WSCD1: variants seen among roughly 807,000 people sequenced by gnomAD.
WSCD1 encodes WSC domain sialate O sulfotransferase 1, also known as sialate:O-sulfotransferase 1.
A neutral mutation model predicts 60.4 loss-of-function variants in WSCD1; 41 were observed. That is an observed-to-expected ratio of 0.68 (90% CI 0.53 to 0.88). The LOEUF is 0.88. WSCD1 is among the 40% of genes least tolerant of loss of function. The pLI, the probability that WSCD1 is intolerant of heterozygous loss-of-function variation, is 0.00. For synonymous variants in WSCD1, 361 were observed against 332.5 expected (o/e 1.09, Z -0.93); for missense variants, 784 against 796.2 (o/e 0.98, Z 0.18).
At chr17:6,098,377 T>C (rs534595890) in intron 5 of WSCD1, among the ~76,000 whole-genome samples, 9 of 152,340 alleles carry the variant, frequency 5.9e-5, no homozygotes, top group African/African-American at 2.2e-4. Flanking sequence ...TAAATCCAGA[T>C]TGCTGCAGTT....
intron 2 of WSCD1, chr17:6,081,969 A>G (rs1463464636): frequency 6.6e-6 from 1 of 152,224 alleles, no homozygotes; most frequent in Admixed American, 6.5e-5. Flanking sequence ...CGCTGTCTCC[A>G]GGTGAGTCTG....
At position 6,120,912 on chromosome 17, in the gene WSCD1, T is replaced by G; in HGVS notation, c.*251T>G. 1 of 524,560 alleles carries G rather than the reference T, an allele frequency of 1.9e-6. No individual in the cohort carries two copies. Among genetic ancestry groups the G allele is most frequent in the Non-Finnish European group, 3.4e-6 (1 of 294,480 alleles). 32.5% of individuals were successfully genotyped at this position (524,560 alleles called of 1,614,324 possible). On this transcript the variant is annotated 3_prime_UTR_variant, in exon 9 of 9. Coordinates refer to ENST00000317744, the MANE Select transcript of WSCD1 (RefSeq NM_015253.2). ...ACACTCAGACACCACTCCAGGCTCA[T>G]AGCCCCGTCTTGATGCAGAGAAGCC...
rs972692549 is a variant in WSCD1 at position 6,120,774 on chromosome 17, G to A, written c.*113G>A. On this transcript the variant is annotated 3_prime_UTR_variant, in exon 9 of 9. Transcript: ENST00000317744. Reference sequence around the variant, plus strand: ...CTCACTGGGACGAACGGTGGGTGGGGGGCTCACCCTGGTGCTGCCTCCCGC... The same window carrying A: ...CTCACTGGGACGAACGGTGGGTGGGAGGCTCACCCTGGTGCTGCCTCCCGC... 1.6e-5 allele frequency: 18 copies of A among 1,136,222 alleles called. No individual in the cohort carries two copies. The South Asian group carries it at 2.5e-4, about 16-fold the overall frequency. The allele number at this position is 1,136,222 out of a possible 1,614,324, so 70.4% of individuals were successfully genotyped here. A position where few individuals can be genotyped will look rare whatever the true frequency, so the allele number is the denominator to read the frequency against.
In WSCD1 at chr17:6,080,395, C is replaced by T. The variant is rs9908884; in HGVS notation, c.-264C>T. The T allele has an allele frequency of 8.3e-3, 4,166 of 502,418 alleles. 134 individuals carry two copies. The highest frequency in any genetic ancestry group is 0.074 in the African/African-American group (3,680 of 49,992). 31.1% of individuals were successfully genotyped at this position (502,418 alleles called of 1,614,324 possible). On this transcript the variant is annotated 5_prime_UTR_variant, in exon 2 of 9. Coordinates refer to ENST00000317744, the MANE Select transcript of WSCD1 (RefSeq NM_015253.2). The surrounding 1 kb of genome is among the most constrained non-coding windows in gnomAD (Gnocchi z 6.6). ...GATTTCTGCGCCAGGAGATGAGGGG[C>T]GGTAGAGCCCTGGAATGGAGATGTC...
At chr17:6,102,806 T>G (rs920419425) in intron 5 of WSCD1, among the ~76,000 whole-genome samples, 1 of 152,230 alleles carries the variant, frequency 6.6e-6, no homozygotes, top group Admixed American at 6.5e-5. Context: ...GAGGGACATT[T>G]AGGCCATTTC....
chr17:6,082,778 GCACTGGGGCCTGGGTTAGGGAGGGC>G (rs1296217290), intron 2 of WSCD1, among the ~76,000 whole-genome samples: 1 of 152,170 alleles, frequency 6.6e-6, no homozygotes, highest in East Asian at 1.9e-4. Flanking sequence ...GGCAGGAGGA[GCACTGGGGCCTGGGTTAGGGAGGGC>G]CACGAGTGCC....
At chr17:6,085,047 T>C (rs1021263118) in intron 2 of WSCD1, 6 of 152,230 alleles carry the variant, frequency 3.9e-5, no homozygotes, top group African/African-American at 1.4e-4. Context: ...AACCAGAGCC[T>C]GACTGCTTGA....
chr17:6,078,847 GATCA>G (rs1909040379), intron 1 of WSCD1, among the ~76,000 whole-genome samples: 4 of 152,178 alleles, frequency 2.6e-5, no homozygotes, highest in Admixed American at 6.5e-5. Flanking sequence ...GAGGCAGAGA[GATCA>G]GTCAGGATTT....
At position 6,118,140 on chromosome 17, in the gene WSCD1, T is replaced by C. The variant is rs1165334423; in HGVS notation, c.1327T>C (p.Cys443Arg). 1.9e-6 allele frequency: 3 copies of C among 1,613,882 alleles called. No homozygotes were observed. The highest frequency in any genetic ancestry group is 2.2e-5 in the East Asian group (1 of 44,892). Residue 443 changes from cysteine (C) to arginine (R), a missense_variant, in exon 8 of 9, where the codon TGT becomes CGT. By Grantham distance (180) the Cys-to-Arg change is radical. Transcript: ENST00000317744. This position sits in a 1 kb window ranked among gnomAD's most constrained non-coding sequence, Gnocchi z 5.8. The part of the protein sequence containing the change: ...RSLVAEFNRK[C>R]AGHLGYAADR... The stretch of plus-strand genomic sequence containing the variant: ...CCTGGTGGCAGAATTCAACAGAAAA[T>C]GTGCCGGGCACCTGGGATATGCAGC...
chr17:6,112,787 T>C (rs1007421407), intron 7 of WSCD1, among the ~76,000 whole-genome samples: 3 of 152,040 alleles, frequency 2.0e-5, no homozygotes, highest in Non-Finnish European at 4.4e-5. Flanking sequence ...ACTTATGAAA[T>C]TGTAGAGGAC....
chr17:6,093,534 C>T (rs962413897), intron 4 of WSCD1, among the ~76,000 whole-genome samples: 2 of 152,212 alleles, frequency 1.3e-5, no homozygotes, highest in Non-Finnish European at 2.9e-5. Context: ...ATTGTCTGTT[C>T]TATCCCCGTG....
rs769856544 is a variant in WSCD1, at chr17:6,109,812, T to C, written c.1009+46T>C. 50 of 1,588,960 alleles carry C rather than the reference T, an allele frequency of 3.1e-5. No homozygotes were observed. The East Asian group carries it at 1.1e-3, about 35-fold the overall frequency. On this transcript the variant is annotated intron_variant, in intron 6 of 8. Transcript: ENST00000317744. ...TGGTAGTGGCATTTGGTCTGGGGGG[T>C]GGGGAGAGCTTCCAGGGTTTGGAGA...
At chr17:6,073,376 A>T (rs1201334573) in intron 1 of WSCD1, among the ~76,000 whole-genome samples, 1 of 152,198 alleles carries the variant, frequency 6.6e-6, no homozygotes, top group Non-Finnish European at 1.5e-5. Flanking sequence ...CACACCTGTA[A>T]TTCTGGTGTT....
intron 5 of WSCD1, among the ~76,000 whole-genome samples, chr17:6,107,153 G>A (rs1911132778): frequency 6.6e-6 from 1 of 152,128 alleles, no homozygotes; most frequent in Non-Finnish European, 1.5e-5. Context: ...CTGTGTGTTG[G>A]CTGTATCCTA....
intron 5 of WSCD1, among the ~76,000 whole-genome samples, chr17:6,096,348 G>A (rs1277101075): frequency 6.6e-6 from 1 of 152,206 alleles, no homozygotes; most frequent in East Asian, 1.9e-4. Context: ...GGATCTGCAG[G>A]AGCAGCACAG....
chr17:6,093,462 G>T (rs34795153), intron 4 of WSCD1, among the ~76,000 whole-genome samples: 36,019 of 152,020 alleles, frequency 0.24, 4,705 homozygotes, highest in African/African-American at 0.35. Context: ...GTGGCCCAGG[G>T]CTTGCTGAAA....
chr17:6,089,930 C>T (rs1239854309), intron 3 of WSCD1, among the ~76,000 whole-genome samples: 1 of 152,124 alleles, frequency 6.6e-6, no homozygotes, highest in Non-Finnish European at 1.5e-5. Flanking sequence ...TAAGGCCAGC[C>T]ATAGGCCGAT....
intron 5 of WSCD1, among the ~76,000 whole-genome samples, chr17:6,105,411 A>G (rs16955459): frequency 0.64 from 96,790 of 151,948 alleles, 31,475 homozygotes; most frequent in South Asian, 0.74. Flanking sequence ...TCACTGAAGC[A>G]CCCTTTCTCT....
intron 7 of WSCD1, among the ~76,000 whole-genome samples, chr17:6,112,225 A>G (rs1256986206): frequency 6.6e-6 from 1 of 152,264 alleles, no homozygotes; most frequent in East Asian, 1.9e-4. Flanking sequence ...GATGAAGATC[A>G]GAGCAGAAAT....
Sources: gnomAD v4.1 joint callset for allele counts (sites outside exome capture counted in the v4.1 genomes callset) on GRCh38, gnomAD v4.1.1 for gene constraint, Gnocchi (gnomAD v3.1) non-coding constraint, MANE v1.5 for transcripts, NCBI Gene and HGNC (gene_info 2026-07-23, HGNC 2026-07-21) for gene names.